The following SNX24 variants were observed in gnomAD, a reference collection of about 807,000 sequenced individuals.
The protein encoded by SNX24 is sorting nexin 24.
SNX24 carries 22 observed loss-of-function variants against 28.7 expected under a neutral mutation model. The ratio of observed to expected loss-of-function variants is 0.77; its 90% CI spans 0.55 to 1.10. The LOEUF is 1.10. SNX24 is among the 50% of genes least tolerant of loss of function. The pLI, the probability that SNX24 is intolerant of heterozygous loss-of-function variation, is 0.00. For synonymous variants in SNX24, 69 were observed against 71.5 expected (o/e 0.96, Z 0.18); for missense variants, 221 against 201.1 (o/e 1.10, Z -0.60).
At chr5:122,966,365 G>A (rs1275514738) in intron 3 of SNX24, among the ~76,000 whole-genome samples, 1 of 152,188 alleles carries the variant, frequency 6.6e-6, no homozygotes, top group East Asian at 1.9e-4. Context: ...GTTGAAGTTA[G>A]CAAACTTTTT....
chr5:123,017,713 A>G (rs984604564), intron 5 of SNX24, among the ~76,000 whole-genome samples: 1 of 151,970 alleles, frequency 6.6e-6, no homozygotes, highest in African/African-American at 2.4e-5. Context: ...ATGGTGATGA[A>G]TGAGTCTCAG....
In SNX24 at chr5:122,873,317, C is replaced by T. The variant is rs375450887; in HGVS notation, c.60+27624C>T. On this transcript the variant is annotated intron_variant, in intron 1 of 6. Coordinates refer to ENST00000261369, the MANE Select transcript of SNX24 (RefSeq NM_014035.4). ...CTGTTTTTGCAGTCAGGGTTTGCTT[C>T]TTCTGTGAGTTCTGGGTCTAGAAAA... Among the ~76,000 whole-genome samples the T allele has an allele frequency of 6.6e-5, 10 of 152,230 alleles. No individual in the cohort carries two copies. In the East Asian group the frequency reaches 7.7e-4, roughly 12 times the overall value.
chr5:122,963,580 A>G (rs971462382), intron 3 of SNX24, among the ~76,000 whole-genome samples: 1 of 152,160 alleles, frequency 6.6e-6, no homozygotes, highest in African/African-American at 2.4e-5. Context: ...CAGTACTGCA[A>G]TCTTCCATTC....
intron 1 of SNX24, among the ~76,000 whole-genome samples, chr5:122,918,999 C>T (rs889849544): frequency 2.6e-5 from 4 of 152,262 alleles, no homozygotes; most frequent in East Asian, 3.9e-4. Flanking sequence ...AACTTTTTGT[C>T]GCTTATTAAG....
At chr5:122,875,560 C>A (rs1481224715) in intron 1 of SNX24, among the ~76,000 whole-genome samples, 1 of 152,206 alleles carries the variant, frequency 6.6e-6, no homozygotes, top group Non-Finnish European at 1.5e-5. Flanking sequence ...GTGGTATCAT[C>A]AGACATTTTC....
intron 5 of SNX24, among the ~76,000 whole-genome samples, chr5:123,021,008 T>C (rs1271290802): frequency 6.6e-6 from 1 of 151,212 alleles, no homozygotes; most frequent in African/African-American, 2.4e-5. Flanking sequence ...GCACCTCCCC[T>C]GCTCTGTTCA....
chr5:122,861,920 A>T (rs1056305846), intron 1 of SNX24, among the ~76,000 whole-genome samples: 1 of 152,132 alleles, frequency 6.6e-6, no homozygotes, highest in Non-Finnish European at 1.5e-5. Context: ...ATGGAAATTC[A>T]TCTGATTATT....
chr5:122,896,766 C>A (rs1757221029), intron 1 of SNX24, among the ~76,000 whole-genome samples: 1 of 152,186 alleles, frequency 6.6e-6, no homozygotes, highest in African/African-American at 2.4e-5. Context: ...TTATAATAGG[C>A]CACAGCTTGT....
rs369577100 is a variant in SNX24 at position 122,845,621 on chromosome 5, G to T, written c.-13G>T. The T allele has an allele frequency of 3.2e-4, 446 of 1,390,810 alleles. 3 individuals carry two copies. The African/African-American group carries it at 6.0e-3, about 19-fold the overall frequency. 86.2% of individuals were successfully genotyped at this position (1,390,810 alleles called of 1,614,324 possible). A position where few individuals can be genotyped will look rare whatever the true frequency, so the allele number is the denominator to read the frequency against. On this transcript the variant is annotated 5_prime_UTR_variant, in exon 1 of 7. Coordinates refer to ENST00000261369, the MANE Select transcript of SNX24 (RefSeq NM_014035.4). Reference sequence around the variant, plus strand: ...GCCCCCAACTCGCCCTCAGCCGGCTGGCCGGCGCGGCCATGGAGGTCTACA... The same window carrying T: ...GCCCCCAACTCGCCCTCAGCCGGCTTGCCGGCGCGGCCATGGAGGTCTACA...
intron 1 of SNX24, among the ~76,000 whole-genome samples, chr5:122,855,436 T>A (rs1293429515): frequency 3.9e-5 from 6 of 152,194 alleles, no homozygotes; most frequent in Non-Finnish European, 8.8e-5. Context: ...CATTTCTCTG[T>A]AGCATGTGAT....
At chr5:122,971,466 C>A (rs191049960) in intron 3 of SNX24, among the ~76,000 whole-genome samples, 1 of 152,120 alleles carries the variant, frequency 6.6e-6, no homozygotes, top group Non-Finnish European at 1.5e-5. Context: ...GCCCACCCCT[C>A]GTCAACTTGA....
chr5:122,957,301 C>T (rs1018292780), intron 3 of SNX24, among the ~76,000 whole-genome samples: 1 of 152,162 alleles, frequency 6.6e-6, no homozygotes, highest in Admixed American at 6.5e-5. Context: ...GATCTTGGCA[C>T]TCTTCTCAAA....
In SNX24 at chr5:123,007,953, G is replaced by A; in HGVS notation, c.*204G>A. The A allele has an allele frequency of 1.5e-6, 2 of 1,322,942 alleles. No homozygotes were observed. Among genetic ancestry groups the A allele is most frequent in the South Asian group, 1.7e-5 (1 of 58,932 alleles). The allele number at this position is 1,322,942 out of a possible 1,614,324, so 82.0% of individuals were successfully genotyped here. On this transcript the variant is annotated 3_prime_UTR_variant, in exon 7 of 7. Transcript: ENST00000261369. ...AGAAACTGAACCGGGGCGGTGGTCA[G>A]GCTAAGGCCAAGTGTTTAAGAAGTA... is the stretch of plus-strand genomic sequence containing the variant.
At chr5:122,914,243 A>G (rs533548504) in intron 1 of SNX24, among the ~76,000 whole-genome samples, 1 of 152,368 alleles carries the variant, frequency 6.6e-6, no homozygotes, top group Non-Finnish European at 1.5e-5. Flanking sequence ...CCAGGGATGA[A>G]GCCCACTTGA....
chr5:123,022,764 C>T (rs1762780327), intron 5 of SNX24: 1 of 152,394 alleles, frequency 6.6e-6, no homozygotes, highest in African/African-American at 2.4e-5. Flanking sequence ...GGACCACAGA[C>T]ATGTGCCACC....
Position 122,949,348 on chromosome 5 carries a change from T to C in SNX24, c.249+3189T>C, listed in dbSNP as rs142540749. ...TAAATACATATTTTCTTTTATGTTTTAGCATCTCTATTCAATTTAAGTAAT... is the reference window on the plus strand; with the variant it reads ...TAAATACATATTTTCTTTTATGTTTCAGCATCTCTATTCAATTTAAGTAAT... On this transcript the variant is annotated intron_variant, in intron 3 of 6. Coordinates refer to ENST00000261369, the MANE Select transcript of SNX24 (RefSeq NM_014035.4). 2.2e-3 allele frequency among the ~76,000 whole-genome samples: 338 copies of C among 152,312 alleles called. 2 individuals are homozygous for C. Among genetic ancestry groups the C allele is most frequent in the African/African-American group, 7.8e-3 (325 of 41,596 alleles).
intron 3 of SNX24, among the ~76,000 whole-genome samples, chr5:122,962,429 TTAAAA>T (rs1760522114): frequency 1.3e-5 from 2 of 152,390 alleles, no homozygotes; most frequent in East Asian, 1.9e-4. Context: ...TGTACTTCAC[TTAAAA>T]TAATTTTTAG....
intron 3 of SNX24, among the ~76,000 whole-genome samples, chr5:122,962,153 C>G (rs1343215410): frequency 6.6e-6 from 1 of 152,106 alleles, no homozygotes; most frequent in Non-Finnish European, 1.5e-5. Context: ...ATTTCAAATA[C>G]ATTTTATTTC....
chr5:122,946,639 T>A (rs1759699983), intron 3 of SNX24, among the ~76,000 whole-genome samples: 1 of 152,164 alleles, frequency 6.6e-6, no homozygotes, highest in African/African-American at 2.4e-5. Context: ...CCAACCTCTT[T>A]GAAAATTCGA....
Sources: allele counts gnomAD v4.1 joint callset (sites outside exome capture counted in the v4.1 genomes callset), GRCh38; gene constraint gnomAD v4.1.1; transcripts MANE v1.5; gene names NCBI Gene and HGNC (gene_info 2026-07-23, HGNC 2026-07-21).